Variants in QRICH2 observed in about 807,000 individuals in gnomAD.
The protein encoded by QRICH2 is glutamine-rich protein 2.
A neutral mutation model predicts 168.3 loss-of-function variants in QRICH2; 119 were observed. The observed-to-expected ratio is 0.71, with a 90% confidence interval of 0.61 to 0.82. The LOEUF (loss-of-function observed/expected upper bound fraction) is 0.82. QRICH2 is among the 40% of genes least tolerant of loss of function. QRICH2 has a pLI of 0.00. For missense variants in QRICH2, 2,241 were observed against 2,491.6 expected (o/e 0.90, Z 2.14); for synonymous variants, 894 against 951.2 (o/e 0.94, Z 1.11).
chr17:76,279,186 AG>A, intron 13 of QRICH2, 44 bp from the exon 14 acceptor site: 1 of 1,505,526 alleles, frequency 6.6e-7, no homozygotes. Context: ...GAGTGGGACA[AG>A]TCCGGTCCCC....
rs1376944514 is a variant in QRICH2 at position 76,282,104 on chromosome 17, G to A, written c.4023C>T (p.Leu1341=). 1 of 1,603,852 alleles carries A rather than the reference G, an allele frequency of 6.2e-7. No individual in the cohort carries two copies. ...TCAGCATGCTCTCAATGATCATCCTGAGCTTGTCCAACTGCGTGCAGGAGA... is the reference window on the plus strand; with the variant it reads ...TCAGCATGCTCTCAATGATCATCCTAAGCTTGTCCAACTGCGTGCAGGAGA... The part of the protein sequence containing the change: ...SLYLQDQLDK[L]RMIIESMLTS... Residue 1341 remains leucine, a synonymous_variant, in exon 8 of 19, where the codon CTC becomes CTT. Transcript: ENST00000680821.
Position 76,293,924 on chromosome 17 carries a change from C to T in QRICH2, c.803G>A (p.Ser268Asn), listed in dbSNP as rs1357930735. 6.2e-7 allele frequency: 1 copy of T among 1,614,026 alleles called. No homozygotes were observed. The highest frequency in any genetic ancestry group is 8.5e-7 in the Non-Finnish European group (1 of 1,180,050). The change falls in exon 4 of 19, where the codon AGT (serine) becomes AAT (asparagine). Residue 268 changes from serine (S) to asparagine (N), a missense_variant. Ser to Asn is a conservative substitution (Grantham distance 46). Around this residue, in one of 3 missense-constraint regions of QRICH2, gnomAD observed 2,047 missense variants for 2,303.8 expected, o/e 0.89. Coordinates refer to ENST00000680821, the MANE Select transcript of QRICH2 (RefSeq NM_001388453.1). ...TLSGDSTKQP[S>N]IEQALDSASG... is the part of the protein sequence containing the mutation. ...GGCAGAATCCAGAGCCTGCTCAATACTTGGTTGCTTGGTAGAGTCTCCGCT... is the reference window on the plus strand; with the variant it reads ...GGCAGAATCCAGAGCCTGCTCAATATTTGGTTGCTTGGTAGAGTCTCCGCT...
intron 4 of QRICH2, 32 bp from the exon 5 acceptor site, chr17:76,290,109 G>C: frequency 6.5e-7 from 1 of 1,536,424 alleles, no homozygotes; most frequent in Non-Finnish European, 9.0e-7. Context: ...TGATCAGAGG[G>C]GTTAGATCTC....
At chr17:76,285,975 A>T (rs551136195) in intron 7 of QRICH2, among the ~76,000 whole-genome samples, 2 of 152,124 alleles carry the variant, frequency 1.3e-5, no homozygotes, top group East Asian at 1.9e-4. Context: ...GATTGAGACC[A>T]TCCTGGCTAA....
intron 7 of QRICH2, among the ~76,000 whole-genome samples, 147 bp downstream of exon 7, chr17:76,287,039 ACATAAC>A (rs2070897979): frequency 6.0e-5 from 4 of 66,118 alleles, no homozygotes; most frequent in Non-Finnish European, 1.1e-4. Context: ...CCCACACACC[ACATAAC>A]ACACACACAC....
intron 15 of QRICH2, among the ~76,000 whole-genome samples, 184 bp downstream of exon 15, chr17:76,277,805 C>T (rs918262967): frequency 6.6e-6 from 1 of 152,030 alleles, no homozygotes; most frequent in African/African-American, 2.4e-5. Flanking sequence ...TTGACACACC[C>T]ATAGACACAT....
At chr17:76,304,260 T>C (rs1248749540) in intron 3 of QRICH2, among the ~76,000 whole-genome samples, 155 bp downstream of exon 3, 1 of 152,212 alleles carries the variant, frequency 6.6e-6, no homozygotes, top group African/African-American at 2.4e-5. Context: ...GAATGACACC[T>C]TGTTCTTAAG....
Position 76,291,668 on chromosome 17 carries a change from C to A in QRICH2, c.3059G>T (p.Gly1020Val), listed in dbSNP as rs1249684442. 2 of 1,614,022 alleles carry A rather than the reference C, an allele frequency of 1.2e-6. No individual in the cohort carries two copies. Among genetic ancestry groups the A allele is most frequent in the South Asian group, 1.1e-5 (1 of 91,092 alleles). ...GMVPPGREQY[G>V]QVSPLLASQG... ...ACTGGCTAGGAGTGGTGACACCTGG[C>A]CGTATTGTTCTCTGCCAGGAGGTAC... Residue 1020 changes from glycine to valine, a missense_variant, in exon 4 of 19, where the codon GGC (glycine) becomes GTC (valine). Gly to Val is a moderately radical substitution (Grantham distance 109). This residue lies in a region of QRICH2 where 2,047 missense variants were observed against 2,303.8 expected (regional missense o/e 0.89). Transcript: ENST00000680821.
At position 76,298,181 on chromosome 17, in the gene QRICH2, A is replaced by ATT. The variant is rs1244588706; in HGVS notation, c.706-4162_706-4161dup. Among the ~76,000 whole-genome samples, 411 of 84,230 alleles carry ATT rather than the reference A, an allele frequency of 4.9e-3. 25 individuals are homozygous for ATT. The highest frequency in any genetic ancestry group is 0.024 in the Middle Eastern group (2 of 84). The allele number at this position is 84,230 out of a possible 152,430, so 55.3% of individuals were successfully genotyped here. ...GCCACGCTGCCTGGCTTTCTGGCTA[A>ATT]TTTTTTTTTTTTTTTTTTTTGAGAC... On this transcript the variant is annotated intron_variant, in intron 3 of 18. Coordinates refer to ENST00000680821, the MANE Select transcript of QRICH2 (RefSeq NM_001388453.1).
chr17:76,276,904 A>T, intron 16 of QRICH2, 137 bp from the exon 17 acceptor site: 1 of 747,726 alleles, frequency 1.3e-6, no homozygotes, highest in Non-Finnish European at 2.1e-6. Flanking sequence ...GGGTGGAGCG[A>T]GAAGGTGGAG....
In QRICH2 at chr17:76,280,775, G is replaced by A. The variant is rs1478593579; in HGVS notation, c.4387-47C>T. On this transcript the variant is annotated intron_variant, in intron 9 of 18. Transcript: ENST00000680821. The surrounding 1 kb of genome is among the most constrained non-coding windows in gnomAD (Gnocchi z 7.4). Reference sequence around the variant, plus strand: ...AGAAAAAAAGAGCCAGCAGCTGCGGGGCTAGGGCACCACATTGAGCCCCGG... The same window carrying A: ...AGAAAAAAAGAGCCAGCAGCTGCGGAGCTAGGGCACCACATTGAGCCCCGG... The A allele has an allele frequency of 6.2e-7, 1 of 1,614,044 alleles. No individual in the cohort carries two copies. Among genetic ancestry groups the A allele is most frequent in the Non-Finnish European group, 8.5e-7 (1 of 1,179,994 alleles).
chr17:76,294,176 C>T (rs2071066499), intron 3 of QRICH2, among the ~76,000 whole-genome samples, 155 bp from the exon 4 acceptor site: 1 of 152,126 alleles, frequency 6.6e-6, no homozygotes. Context: ...TAAAGAAACA[C>T]ACTGATGGGA....
chr17:76,280,227 C>T lies in QRICH2; in HGVS notation c.4626+60G>A. ...GGGGCTGACCCAGGAGAAGGTGGTG[C>T]TGTCCCGATCCTGGGGGCAAGGCTG... On this transcript the variant is annotated intron_variant, in intron 11 of 18. Transcript: ENST00000680821. This position sits in a 1 kb window ranked among gnomAD's most constrained non-coding sequence, Gnocchi z 7.4. 1 of 1,608,460 alleles carries T rather than the reference C, an allele frequency of 6.2e-7. No individual in the cohort carries two copies. Among genetic ancestry groups the T allele is most frequent in the Non-Finnish European group, 8.5e-7 (1 of 1,176,724 alleles).
Position 76,287,916 on chromosome 17 carries a change from AG to A in QRICH2, c.3799-20del, listed in dbSNP as rs1277899839. 6.2e-7 allele frequency: 1 copy of A among 1,601,708 alleles called. No homozygotes were observed. ...TTTCCACCTACAAACCCAGTGAATG[AG>A]GAGGGTCAGGCAGGCCTGAGCTCCC... On this transcript the variant is annotated intron_variant, in intron 5 of 18. Coordinates refer to ENST00000680821, the MANE Select transcript of QRICH2 (RefSeq NM_001388453.1).
intron 7 of QRICH2, among the ~76,000 whole-genome samples, chr17:76,285,406 A>T (rs1348927843): frequency 6.6e-6 from 1 of 151,620 alleles, no homozygotes; most frequent in Non-Finnish European, 1.5e-5. Context: ...TGCTGGGATT[A>T]CAGGCGTGAG....
chr17:76,307,891 G>A lies in QRICH2; in HGVS notation c.108C>T (p.Ala36=), dbSNP rs1390714618. The A allele has an allele frequency of 1.1e-5, 14 of 1,269,602 alleles. No homozygotes were observed. Among genetic ancestry groups the A allele is most frequent in the Non-Finnish European group, 4.0e-6 (4 of 1,009,884 alleles). 78.6% of individuals were successfully genotyped at this position (1,269,602 alleles called of 1,614,324 possible). The change falls in exon 1 of 19, where the codon GCC becomes GCT. Residue 36 remains alanine (A), a synonymous_variant. Transcript: ENST00000680821. This position sits in a 1 kb window ranked among gnomAD's most constrained non-coding sequence, Gnocchi z 5.3. ...NFTALHTLIV[A]MLKNLDLQNT... ...TTTGGAGGTCGAGGTTCTTGAGCAT[G>A]GCCACGATGAGCGTGTGCAGGGCCG...
At chr17:76,298,154 G>A (rs1230136321) in intron 3 of QRICH2, among the ~76,000 whole-genome samples, 3 of 146,956 alleles carry the variant, frequency 2.0e-5, no homozygotes, top group Non-Finnish European at 4.5e-5. Flanking sequence ...TTACAGGCAT[G>A]AGCCACGCTG....
In QRICH2 at chr17:76,280,802, C is replaced by G; in HGVS notation, c.4386+29G>C. The G allele has an allele frequency of 4.3e-6, 7 of 1,613,974 alleles. No homozygotes were observed. The highest frequency in any genetic ancestry group is 5.9e-6 in the Non-Finnish European group (7 of 1,180,016). On this transcript the variant is annotated intron_variant, in intron 9 of 18. Transcript: ENST00000680821. This position sits in a 1 kb window ranked among gnomAD's most constrained non-coding sequence, Gnocchi z 7.4. The stretch of plus-strand genomic sequence containing the variant: ...CTAGGGCACCACATTGAGCCCCGGC[C>G]CCATCCCAGCCACCCTGCGGCCGCT...
chr17:76,281,864 CTG>C lies in QRICH2; in HGVS notation c.4261_4262del (p.Gln1421GlyfsTer18). 3 of 1,612,514 alleles carry C rather than the reference CTG, an allele frequency of 1.9e-6. No individual in the cohort carries two copies. The highest frequency in any genetic ancestry group is 2.5e-6 in the Non-Finnish European group (3 of 1,179,204). On this transcript the variant is annotated frameshift_variant and splice_region_variant, in exon 8 of 19. Transcript: ENST00000680821. LOFTEE classifies it high-confidence loss of function. This position sits in a 1 kb window ranked among gnomAD's most constrained non-coding sequence, Gnocchi z 4.4. ...AGGAGGGAGGCGAGCAGAGCCCCAC[CTG>C]TCTCTGGAGCTTGGCCTTCTTGGAG... The part of the protein sequence containing the change: ...RPSKKAKLQR[Q>X]DEELLGRVQS...
Sources: gnomAD v4.1 joint callset for allele counts (sites outside exome capture counted in the v4.1 genomes callset) on GRCh38, gnomAD v4.1.1 for gene constraint, gnomAD v4.1.1 regional missense constraint, Gnocchi (gnomAD v3.1) non-coding constraint, MANE v1.5 for transcripts, NCBI Gene and HGNC (gene_info 2026-07-23, HGNC 2026-07-21) for gene names.